FNDC3B: variants seen among roughly 807,000 people sequenced by gnomAD.
FNDC3B encodes the protein fibronectin type III domain-containing protein 3B.
Under a neutral mutation model 151.5 loss-of-function variants are expected in FNDC3B, and 12 were observed. That is an observed-to-expected ratio of 0.08 (90% CI 0.05 to 0.13). FNDC3B has a LOEUF of 0.13. Ranked by LOEUF, FNDC3B falls within the 10% of genes least tolerant of loss-of-function variation. FNDC3B has a pLI of 1.00. For missense variants in FNDC3B, 1,214 were observed against 1,505.3 expected (o/e 0.81, Z 3.20); for synonymous variants, 528 against 549.0 (o/e 0.96, Z 0.54).
chr3:172,326,028 G>C (rs185532141), intron 11 of FNDC3B, among the ~76,000 whole-genome samples: 1 of 152,172 alleles, frequency 6.6e-6, no homozygotes, highest in Non-Finnish European at 1.5e-5. Context: ...GTTTCACCAT[G>C]TTGGCCAGGC....
rs528822831 is a variant in FNDC3B at position 172,317,436 on chromosome 3, G to A, written c.1254+6555G>A. Among the ~76,000 whole-genome samples, 630 of 151,878 alleles carry A rather than the reference G, an allele frequency of 4.1e-3. 4 individuals carry two copies. The highest frequency in any genetic ancestry group is 0.015 in the African/African-American group (602 of 41,406). Reference sequence around the variant, plus strand: ...CCTGACCTCGTGATCCGCCTGCCTCGGCCTCCCAAAGTGCTGGGATTACAG... The same window carrying A: ...CCTGACCTCGTGATCCGCCTGCCTCAGCCTCCCAAAGTGCTGGGATTACAG... On this transcript the variant is annotated intron_variant, in intron 11 of 25. Transcript: ENST00000415807.
chr3:172,216,500 C>G (rs867262559), intron 3 of FNDC3B, among the ~76,000 whole-genome samples: 5 of 151,936 alleles, frequency 3.3e-5, no homozygotes, highest in African/African-American at 7.3e-5. Flanking sequence ...GACCACATCT[C>G]TACAAAAAAA....
At chr3:172,065,189 G>A (rs569645394) in intron 1 of FNDC3B, among the ~76,000 whole-genome samples, 11 of 152,180 alleles carry the variant, frequency 7.2e-5, no homozygotes, top group Non-Finnish European at 1.3e-4. Context: ...AAAATTAGCC[G>A]GGCATGGTGG....
At chr3:172,392,265 A>G (rs1295279114) in intron 25 of FNDC3B, among the ~76,000 whole-genome samples, 1 of 152,240 alleles carries the variant, frequency 6.6e-6, no homozygotes, top group Non-Finnish European at 1.5e-5. Flanking sequence ...AACAGCTAAG[A>G]CACATGCCAC....
chr3:172,063,744 C>T (rs1015670869), intron 1 of FNDC3B, among the ~76,000 whole-genome samples: 12 of 152,242 alleles, frequency 7.9e-5, no homozygotes, highest in South Asian at 4.1e-4. Context: ...CAGAGTAGGA[C>T]CATCTCTAAT....
chr3:172,284,885 A>G (rs1729930032), intron 6 of FNDC3B, among the ~76,000 whole-genome samples: 1 of 151,720 alleles, frequency 6.6e-6, no homozygotes, highest in Admixed American at 6.6e-5. Context: ...CGTTTAGCTC[A>G]TAAACTAGGT....
chr3:172,097,145 T>A (rs965572148), intron 1 of FNDC3B, among the ~76,000 whole-genome samples: 1 of 152,176 alleles, frequency 6.6e-6, no homozygotes, highest in African/African-American at 2.4e-5. Context: ...AAAGTTTGAT[T>A]TATTTTGGCA....
At chr3:172,269,861 A>G (rs966328496) in intron 6 of FNDC3B, among the ~76,000 whole-genome samples, 1 of 151,980 alleles carries the variant, frequency 6.6e-6, no homozygotes, top group Non-Finnish European at 1.5e-5. Context: ...GTTAGCCAGG[A>G]TGGTCTCGAT....
chr3:172,078,506 G>A (rs983843612), intron 1 of FNDC3B, among the ~76,000 whole-genome samples: 10 of 111,628 alleles, frequency 9.0e-5, no homozygotes, highest in Middle Eastern at 4.2e-3. Flanking sequence ...TCAGAAGAAG[G>A]TAGAGGAGCC....
chr3:172,307,870 C>A (rs1326165190), intron 10 of FNDC3B, among the ~76,000 whole-genome samples: 3 of 151,852 alleles, frequency 2.0e-5, no homozygotes, highest in Non-Finnish European at 4.4e-5. Context: ...CTAGCTTTAG[C>A]TTTTTTTTGC....
chr3:172,342,043 G>A (rs1487327781), intron 17 of FNDC3B, among the ~76,000 whole-genome samples: 1 of 152,220 alleles, frequency 6.6e-6, no homozygotes, highest in Non-Finnish European at 1.5e-5. Context: ...TGAAAGAGAA[G>A]GAGAGATGGT....
intron 6 of FNDC3B, among the ~76,000 whole-genome samples, chr3:172,257,562 G>A (rs1186827253): frequency 8.0e-6 from 1 of 124,674 alleles, no homozygotes; most frequent in Admixed American, 8.8e-5. Context: ...CACATCACAC[G>A]CATTCATACA....
intron 6 of FNDC3B, among the ~76,000 whole-genome samples, chr3:172,265,852 C>A (rs1394736012): frequency 6.6e-6 from 1 of 152,184 alleles, no homozygotes; most frequent in Non-Finnish European, 1.5e-5. Flanking sequence ...TATTAGAAAG[C>A]ATATTGTCTG....
intron 10 of FNDC3B, 35 bp from the exon 11 acceptor site, chr3:172,310,793 A>G (rs979591174): frequency 2.0e-6 from 3 of 1,527,310 alleles, no homozygotes; most frequent in African/African-American, 2.7e-5. Flanking sequence ...GTCTGTGAAC[A>G]ACTTTCTCTA....
intron 7 of FNDC3B, among the ~76,000 whole-genome samples, chr3:172,293,428 C>G (rs1730441427): frequency 1.3e-5 from 2 of 152,206 alleles, no homozygotes; most frequent in Non-Finnish European, 1.5e-5. Context: ...TTCTGATAGT[C>G]TGTGTCAGAA....
chr3:172,347,236 A>C lies in FNDC3B; in HGVS notation c.2389A>C (p.Ile797Leu). The change falls in exon 21 of 26, where the codon ATC becomes CTC. Residue 797 changes from isoleucine (I) to leucine (L), a missense_variant. By Grantham distance (5) the Ile-to-Leu change is conservative. Coordinates refer to ENST00000415807, the MANE Select transcript of FNDC3B (RefSeq NM_022763.4). Reference protein sequence around the residue: ...WESPDSSGADISEYRLEWGED... With the variant: ...WESPDSSGADLSEYRLEWGED... Reference sequence around the variant, plus strand: ...GAGTCCTGATAGTTCTGGTGCTGACATCTCAGAGTACAGGTTGGAATGGGG... The same window carrying C: ...GAGTCCTGATAGTTCTGGTGCTGACCTCTCAGAGTACAGGTTGGAATGGGG... 2 of 1,613,838 alleles carry C rather than the reference A, an allele frequency of 1.2e-6. No homozygotes were observed. The highest frequency in any genetic ancestry group is 4.5e-5 in the East Asian group (2 of 44,856).
intron 1 of FNDC3B, among the ~76,000 whole-genome samples, chr3:172,045,549 G>T (rs935918711): frequency 6.6e-6 from 1 of 152,180 alleles, no homozygotes; most frequent in Admixed American, 6.5e-5. Flanking sequence ...GAATGGAAAA[G>T]AATCGTATTT....
At chr3:172,115,611 C>T (rs771629418) in intron 2 of FNDC3B, among the ~76,000 whole-genome samples, 4 of 152,154 alleles carry the variant, frequency 2.6e-5, no homozygotes, top group Non-Finnish European at 1.5e-5. Context: ...TGAAGCAACA[C>T]CTTTTCATCT....
chr3:172,125,954 G>A (rs1720790751), intron 2 of FNDC3B, among the ~76,000 whole-genome samples: 1 of 152,170 alleles, frequency 6.6e-6, no homozygotes, highest in African/African-American at 2.4e-5. Flanking sequence ...CAAAAATCAT[G>A]TGTTCTGCTA....
Sources: allele counts gnomAD v4.1 joint callset (sites outside exome capture counted in the v4.1 genomes callset), GRCh38; gene constraint gnomAD v4.1.1; transcripts MANE v1.5; gene names NCBI Gene and HGNC (gene_info 2026-07-23, HGNC 2026-07-21).